KATNIP: variants seen among roughly 807,000 people sequenced by gnomAD.
KATNIP encodes the protein katanin-interacting protein.
Under a neutral mutation model 174.0 loss-of-function variants are expected in KATNIP, and 126 were observed. The observed-to-expected ratio is 0.72, with a 90% CI of 0.63 to 0.84. KATNIP has a LOEUF of 0.84. Ranked by LOEUF, KATNIP falls within the 40% of genes least tolerant of loss-of-function variation. The pLI, the probability that KATNIP is intolerant of heterozygous loss-of-function variation, is 0.00. For missense variants in KATNIP, 1,958 were observed against 2,109.7 expected (o/e 0.93, Z 1.41); for synonymous variants, 810 against 835.7 (o/e 0.97, Z 0.53).
intron 6 of KATNIP, among the ~76,000 whole-genome samples, chr16:27,667,285 A>G: frequency 6.6e-6 from 1 of 151,964 alleles, no homozygotes; most frequent in East Asian, 1.9e-4. Flanking sequence ...ACTGCACTCC[A>G]GCTTGGGTGA....
In KATNIP at chr16:27,588,685, A is replaced by G. The variant is rs777380055; in HGVS notation, c.63+14729A>G. 3.3e-5 allele frequency among the ~76,000 whole-genome samples: 5 copies of G among 151,978 alleles called. No homozygotes were observed. The East Asian group carries it at 5.8e-4, about 18-fold the overall frequency. ...TTATCATCATAGTGTAAGACCTTCAATTCTTCTCGGAAAAATTAAATCGCA... is the reference window on the plus strand; with the variant it reads ...TTATCATCATAGTGTAAGACCTTCAGTTCTTCTCGGAAAAATTAAATCGCA... On this transcript the variant is annotated intron_variant, in intron 2 of 27. Transcript: ENST00000261588.
At chr16:27,742,272 C>T (rs2081138436) in intron 15 of KATNIP, among the ~76,000 whole-genome samples, 1 of 152,196 alleles carries the variant, frequency 6.6e-6, no homozygotes. Flanking sequence ...TCTAGCCAGG[C>T]ACACAACTCT....
chr16:27,754,326 G>A, intron 18 of KATNIP, 75 bp downstream of exon 18: 1 of 1,281,862 alleles, frequency 7.8e-7, no homozygotes, highest in Non-Finnish European at 1.1e-6. Flanking sequence ...GGCCACTTGG[G>A]ACAGGGTTTC....
intron 13 of KATNIP, among the ~76,000 whole-genome samples, chr16:27,720,305 G>C (rs2080165841): frequency 6.6e-6 from 1 of 151,888 alleles, no homozygotes; most frequent in African/African-American, 2.4e-5. Context: ...TGGCCAGGCT[G>C]GTCTCGAGCT....
rs531340204 is a variant in KATNIP, at chr16:27,701,687, G to C, written c.1278G>C (p.Leu426=). Reference sequence around the variant, plus strand: ...AGGCCATGGACAGAATTGGGCTTCTGGGAAGCAGGTACTACTAAGGCTGAG... The same window carrying C: ...AGGCCATGGACAGAATTGGGCTTCTCGGAAGCAGGTACTACTAAGGCTGAG... ...INQAMDRIGL[L]GSRQQQKLLK... The change falls in exon 11 of 28, where the codon CTG becomes CTC. Residue 426 remains leucine (L), a synonymous_variant. Coordinates refer to ENST00000261588, the MANE Select transcript of KATNIP (RefSeq NM_015202.5). 6.3e-7 allele frequency: 1 copy of C among 1,599,216 alleles called. No homozygotes were observed. The highest frequency in any genetic ancestry group is 2.2e-5 in the East Asian group (1 of 44,456).
At chr16:27,712,483 CT>C (rs2079617843) in intron 13 of KATNIP, among the ~76,000 whole-genome samples, 1 of 152,164 alleles carries the variant, frequency 6.6e-6, no homozygotes, top group South Asian at 2.1e-4. Context: ...GGAAGAGGCA[CT>C]TGCCCCAGGC....
chr16:27,671,843 G>A (rs1445354631), intron 6 of KATNIP, among the ~76,000 whole-genome samples: 1 of 152,118 alleles, frequency 6.6e-6, no homozygotes, highest in Non-Finnish European at 1.5e-5. Flanking sequence ...ATCACCTGAA[G>A]TCGGGAGTTC....
intron 19 of KATNIP, among the ~76,000 whole-genome samples, chr16:27,765,025 A>G (rs1022226328): frequency 7.2e-5 from 11 of 152,232 alleles, no homozygotes; most frequent in Non-Finnish European, 1.6e-4. Flanking sequence ...AAAAGGAAAC[A>G]AAAAGTTTCT....
chr16:27,580,699 A>ATTTTTT (rs5816440), intron 2 of KATNIP, among the ~76,000 whole-genome samples: 1 of 132,334 alleles, frequency 7.6e-6, no homozygotes, highest in Non-Finnish European at 1.6e-5. Flanking sequence ...TTTCTTCTTG[A>ATTTTTT]TTTTTTTTTT....
rs1384962613 is a variant in KATNIP at position 27,628,690 on chromosome 16, C to T, written c.170C>T (p.Pro57Leu). 6.2e-7 allele frequency: 1 copy of T among 1,614,178 alleles called. No individual in the cohort carries two copies. The highest frequency in any genetic ancestry group is 1.7e-5 in the Admixed American group (1 of 60,020). ...RILKHLKSKD[P>L]VQLRLEHLEQ... is the part of the protein sequence containing the mutation. ...TTAAAGCATTTGAAAAGCAAGGACC[C>T]CGTGCAATTGAGGCTGGAGCACTTG... Residue 57 changes from proline to leucine, a missense_variant, in exon 4 of 28, where the codon CCC becomes CTC. Coordinates refer to ENST00000261588, the MANE Select transcript of KATNIP (RefSeq NM_015202.5).
rs755346184 is a variant in KATNIP at position 27,678,039 on chromosome 16, CT to C, written c.808+44del. 2.5e-6 allele frequency: 4 copies of C among 1,596,140 alleles called. No homozygotes were observed. In the Admixed American group the frequency reaches 6.8e-5, roughly 27 times the overall value. On this transcript the variant is annotated intron_variant, in intron 7 of 27. Transcript: ENST00000261588. ...TATCATTTCTTTGCCATTGGTGTCT[CT>C]GCATCTAATAGCAGGACTTAAACTT... is the stretch of plus-strand genomic sequence containing the variant.
At chr16:27,778,063 T>C in intron 27 of KATNIP, 94 bp downstream of exon 27, 1 of 1,099,044 alleles carries the variant, frequency 9.1e-7, no homozygotes, top group South Asian at 1.4e-5. Flanking sequence ...CCCTCACCCC[T>C]GCCTGCCCCT....
chr16:27,554,480 A>G (rs1158878060), intron 1 of KATNIP, among the ~76,000 whole-genome samples: 1 of 152,114 alleles, frequency 6.6e-6, no homozygotes, highest in Admixed American at 6.5e-5. Flanking sequence ...AAAAAATTCA[A>G]CACAGTGAAA....
intron 18 of KATNIP, among the ~76,000 whole-genome samples, chr16:27,761,087 C>T (rs1407625828): frequency 2.6e-5 from 4 of 152,180 alleles, no homozygotes; most frequent in Non-Finnish European, 4.4e-5. Context: ...ATGGGGAATG[C>T]GTTGTTGGCC....
intron 14 of KATNIP, among the ~76,000 whole-genome samples, chr16:27,726,140 C>A (rs2080440140): frequency 6.6e-6 from 1 of 152,154 alleles, no homozygotes; most frequent in South Asian, 2.1e-4. Flanking sequence ...GCATGGGAAC[C>A]CTACTGGGAA....
intron 1 of KATNIP, among the ~76,000 whole-genome samples, chr16:27,572,006 A>G (rs924559200): frequency 4.0e-5 from 6 of 150,220 alleles, no homozygotes; most frequent in Admixed American, 2.6e-4. Context: ...GTGTGTGTGT[A>G]TGTGTGTGTG....
chr16:27,775,210 G>A, intron 24 of KATNIP, 126 bp downstream of exon 24: 1 of 1,201,028 alleles, frequency 8.3e-7, no homozygotes, highest in Non-Finnish European at 1.2e-6. Context: ...ATGCTTGGGA[G>A]CTGTCAGAAA....
At position 27,778,592 on chromosome 16, in the gene KATNIP, G is replaced by C; in HGVS notation, c.4820G>C (p.Cys1607Ser). The C allele has an allele frequency of 6.2e-7, 1 of 1,613,772 alleles. No individual in the cohort carries two copies. The highest frequency in any genetic ancestry group is 1.3e-5 in the African/African-American group (1 of 75,052). ...VVDPALRPKTCISEKETRRRR... is the reference protein window; with the variant it reads ...VVDPALRPKTSISEKETRRRR... ...ATGACAGCCTTACGTCCCAAAACCTGCATCAGCGAGAAGGAGACGAGACGA... is the reference window on the plus strand; with the variant it reads ...ATGACAGCCTTACGTCCCAAAACCTCCATCAGCGAGAAGGAGACGAGACGA... The change falls in exon 28 of 28, where the codon TGC becomes TCC. Residue 1607 changes from cysteine to serine, a missense_variant. By Grantham distance (112) the Cys-to-Ser change is moderately radical (BLOSUM62 -1). This residue lies in a region of KATNIP where 383 missense variants were observed against 456.0 expected (regional missense o/e 0.84). Transcript: ENST00000261588.
intron 3 of KATNIP, among the ~76,000 whole-genome samples, chr16:27,619,325 GC>G (rs1463155558): frequency 1.3e-5 from 2 of 152,154 alleles, no homozygotes; most frequent in African/African-American, 4.8e-5. Flanking sequence ...TCTGCATTTG[GC>G]CTGTGAAATC....
Sources: gnomAD v4.1 joint callset for allele counts (sites outside exome capture counted in the v4.1 genomes callset) on GRCh38, gnomAD v4.1.1 for gene constraint, gnomAD v4.1.1 regional missense constraint, MANE v1.5 for transcripts, NCBI Gene and HGNC (gene_info 2026-07-23, HGNC 2026-07-21) for gene names.